The following MED17 variants were observed in gnomAD, a reference collection of about 807,000 sequenced individuals.
The protein encoded by MED17 is mediator of RNA polymerase II transcription subunit 17.
Under a neutral mutation model 80.8 loss-of-function variants are expected in MED17, and 49 were observed. The observed-to-expected ratio is 0.61, with a 90% CI of 0.48 to 0.77. The LOEUF (loss-of-function observed/expected upper bound fraction) is 0.77, where lower values mean the gene tolerates loss of function less well. Among genes scored for constraint, MED17 ranks in the 30% least tolerant of loss-of-function variants. MED17 has a pLI of 0.00. For synonymous variants in MED17, 281 were observed against 280.4 expected (o/e 1.00, Z -0.02); for missense variants, 718 against 787.0 (o/e 0.91, Z 1.05).
intron 10 of MED17, chr11:93,809,453 G>T (rs897341759): frequency 2.0e-6 from 1 of 505,908 alleles, no homozygotes; most frequent in African/African-American, 1.9e-5. Context: ...AGAGTCTTCA[G>T]TTGGCCAAAT....
chr11:93,799,356 A>T (rs1943937979), intron 8 of MED17, among the ~76,000 whole-genome samples: 1 of 152,098 alleles, frequency 6.6e-6, no homozygotes, highest in Non-Finnish European at 1.5e-5. Flanking sequence ...TTGTATTTTT[A>T]GTAGAGTTGG....
intron 2 of MED17, 112 bp from the exon 3 acceptor site, chr11:93,790,462 C>T: frequency 1.2e-6 from 1 of 864,376 alleles, no homozygotes; most frequent in Non-Finnish European, 1.9e-6. Flanking sequence ...GTTATGTGTA[C>T]TTGCCCCTCC....
At position 93,784,877 on chromosome 11, in the gene MED17, C is replaced by T. The variant is rs1032417684; in HGVS notation, c.250+114C>T. On this transcript the variant is annotated intron_variant, in intron 1 of 11. Transcript: ENST00000251871. Reference sequence around the variant, plus strand: ...GTGCGTGCGAGAACTTTTGAGTGTCCCTCTAGCGGAAGCGTAAGGATACTT... The same window carrying T: ...GTGCGTGCGAGAACTTTTGAGTGTCTCTCTAGCGGAAGCGTAAGGATACTT... 45 of 1,403,024 alleles carry T rather than the reference C, an allele frequency of 3.2e-5. No homozygotes were observed. In the African/African-American group the frequency reaches 5.7e-4, roughly 18 times the overall value. 86.9% of individuals were successfully genotyped at this position (1,403,024 alleles called of 1,614,324 possible). A position where few individuals can be genotyped will look rare whatever the true frequency, so the allele number is the denominator to read the frequency against.
chr11:93,797,588 T>G lies in MED17; in HGVS notation c.1197T>G (p.Pro399=). Residue 399 remains proline, a synonymous_variant, in exon 8 of 12, where the codon CCT becomes CCG. Coordinates refer to ENST00000251871, the MANE Select transcript of MED17 (RefSeq NM_004268.5). Reference sequence around the variant, plus strand: ...TGATGCCTCATCCAGCAAGTGCACCTTTTGGCCACAAGAGAATGAGACTTT... The same window carrying G: ...TGATGCCTCATCCAGCAAGTGCACCGTTTGGCCACAAGAGAATGAGACTTT... ...SIMMPHPASA[P]FGHKRMRLSG... is the part of the protein sequence containing the mutation. 1 of 1,614,054 alleles carries G rather than the reference T, an allele frequency of 6.2e-7. No homozygotes were observed. Among genetic ancestry groups the G allele is most frequent in the Non-Finnish European group, 8.5e-7 (1 of 1,179,920 alleles).
At chr11:93,791,565 C>T (rs1266881232) in intron 3 of MED17, among the ~76,000 whole-genome samples, 15 of 151,922 alleles carry the variant, frequency 9.9e-5, no homozygotes, top group African/African-American at 3.1e-4. Context: ...ATTAGCTGGG[C>T]GTGGTGTTGC....
At chr11:93,799,660 C>T (rs1943941208) in intron 8 of MED17, among the ~76,000 whole-genome samples, 2 of 152,294 alleles carry the variant, frequency 1.3e-5, no homozygotes, top group South Asian at 2.1e-4. Context: ...CCTGTAGTCC[C>T]AGCTACTTGG....
At chr11:93,805,582 A>G (rs1944014880) in intron 9 of MED17, among the ~76,000 whole-genome samples, 1 of 151,998 alleles carries the variant, frequency 6.6e-6, no homozygotes, top group African/African-American at 2.4e-5. Context: ...TCCTGTCTCA[A>G]AAAAAAGATA....
At chr11:93,786,418 A>G (rs1207952164) in intron 1 of MED17, among the ~76,000 whole-genome samples, 1 of 151,980 alleles carries the variant, frequency 6.6e-6, no homozygotes, top group Non-Finnish European at 1.5e-5. Flanking sequence ...CTGAAAGACA[A>G]TTTGGCAGTT....
chr11:93,799,610 C>CA lies in MED17; in HGVS notation c.1328+1898dup, dbSNP rs966475062. Reference sequence around the variant, plus strand: ...GCCTGGGCAACATGGCCCATCTCTACAAAAAAATAAAAAAAATTAGCCAGA... The same window carrying CA: ...GCCTGGGCAACATGGCCCATCTCTACAAAAAAAATAAAAAAAATTAGCCAGA... On this transcript the variant is annotated intron_variant, in intron 8 of 11. Coordinates refer to ENST00000251871, the MANE Select transcript of MED17 (RefSeq NM_004268.5). 5.3e-5 allele frequency among the ~76,000 whole-genome samples: 8 copies of CA among 152,104 alleles called. No individual in the cohort carries two copies. The East Asian group carries it at 1.5e-3, about 29-fold the overall frequency.
rs1943903480 is a variant in MED17, at chr11:93,796,503, A to G, written c.1106A>G (p.Tyr369Cys). The change falls in exon 7 of 12, where the codon TAT becomes TGT. Residue 369 changes from tyrosine (Y) to cysteine (C), a missense_variant. By Grantham distance (194) the Tyr-to-Cys change is radical. Coordinates refer to ENST00000251871, the MANE Select transcript of MED17 (RefSeq NM_004268.5). Reference sequence around the variant, plus strand: ...AAGCAATGTCCGGAGGACCACCTTTATGTCCTAGAGCATAATTTGCATCTA... The same window carrying G: ...AAGCAATGTCCGGAGGACCACCTTTGTGTCCTAGAGCATAATTTGCATCTA... ...TEKQCPEDHL[Y>C]VLEHNLHLLI... 1.2e-6 allele frequency: 2 copies of G among 1,614,008 alleles called. No homozygotes were observed. Among genetic ancestry groups the G allele is most frequent in the South Asian group, 2.2e-5 (2 of 91,082 alleles).
At chr11:93,802,068 G>A (rs1226658881) in intron 9 of MED17, 96 bp downstream of exon 9, 1 of 1,162,590 alleles carries the variant, frequency 8.6e-7, no homozygotes, top group Admixed American at 2.1e-5. Context: ...TTATTTGCTA[G>A]GGTGGCATAA....
chr11:93,798,989 G>A (rs1394375373), intron 8 of MED17, among the ~76,000 whole-genome samples: 5 of 152,050 alleles, frequency 3.3e-5, no homozygotes, highest in Admixed American at 3.3e-4. Context: ...CTTGGAAGCA[G>A]CAAAGCTTTA....
chr11:93,799,736 C>CCG (rs1455902520), intron 8 of MED17, among the ~76,000 whole-genome samples: 2 of 152,142 alleles, frequency 1.3e-5, no homozygotes, highest in African/African-American at 4.8e-5. Flanking sequence ...TGATCACACC[C>CCG]CGCTACACTC....
Position 93,795,063 on chromosome 11 carries a change from A to G in MED17, c.1012+3A>G, listed in dbSNP as rs927531140. On this transcript the variant is annotated splice_donor_region_variant and intron_variant, in intron 6 of 11. Coordinates refer to ENST00000251871, the MANE Select transcript of MED17 (RefSeq NM_004268.5). ...GATTATCTCTCAGCCCTTTCCGAGTAAGAGCAGCCCTTTTTCGACTTTATG... is the reference window on the plus strand; with the variant it reads ...GATTATCTCTCAGCCCTTTCCGAGTGAGAGCAGCCCTTTTTCGACTTTATG... The G allele has an allele frequency of 6.2e-7, 1 of 1,614,152 alleles. No homozygotes were observed.
chr11:93,811,773 G>C, intron 11 of MED17, 80 bp from the exon 12 acceptor site: 1 of 1,280,522 alleles, frequency 7.8e-7, no homozygotes. Flanking sequence ...ATTCACAGTA[G>C]AATGGAGTTG....
chr11:93,812,435 A>C lies in MED17; in HGVS notation c.*371A>C. The C allele has an allele frequency of 2.3e-6, 1 of 437,970 alleles. No homozygotes were observed. Among genetic ancestry groups the C allele is most frequent in the Non-Finnish European group, 4.0e-6 (1 of 253,108 alleles). The allele number at this position is 437,970 out of a possible 1,614,324, so 27.1% of individuals were successfully genotyped here. On this transcript the variant is annotated 3_prime_UTR_variant, in exon 12 of 12. Coordinates refer to ENST00000251871, the MANE Select transcript of MED17 (RefSeq NM_004268.5). ...CAAATACCTTTTTTTCCCCCCAAAT[A>C]CTTTCTAAACTTTTTTTTTTTGAGA...
chr11:93,790,937 T>G (rs1341286470), intron 3 of MED17, 144 bp downstream of exon 3: 3 of 744,448 alleles, frequency 4.0e-6, no homozygotes, highest in Non-Finnish European at 6.6e-6. Context: ...CAAAACCCTA[T>G]CTCTACCAAA....
rs1034266327 is a variant in MED17 at position 93,814,201 on chromosome 11, A to G, written c.*2137A>G. 7 of 152,226 alleles carry G rather than the reference A, an allele frequency of 4.6e-5. No individual in the cohort carries two copies. The highest frequency in any genetic ancestry group is 2.1e-4 in the South Asian group (1 of 4,830). 9.4% of individuals were successfully genotyped at this position (152,226 alleles called of 1,614,324 possible). ...GATAACTGAAGACTTTACGTTCTTCATGTCTTACTTTCCCTGTTTGGTACG... is the reference window on the plus strand; with the variant it reads ...GATAACTGAAGACTTTACGTTCTTCGTGTCTTACTTTCCCTGTTTGGTACG... On this transcript the variant is annotated 3_prime_UTR_variant, in exon 12 of 12. Transcript: ENST00000251871.
intron 7 of MED17, 25 bp from the exon 8 acceptor site, chr11:93,797,510 T>C: frequency 1.9e-6 from 3 of 1,598,312 alleles, no homozygotes; most frequent in Non-Finnish European, 2.6e-6. Flanking sequence ...TGGATATTGG[T>C]ATTTAAAATG....
Sources: allele counts gnomAD v4.1 joint callset (sites outside exome capture counted in the v4.1 genomes callset), GRCh38; gene constraint gnomAD v4.1.1; transcripts MANE v1.5; gene names NCBI Gene and HGNC (gene_info 2026-07-23, HGNC 2026-07-21).